The following EIF4G3 variants were observed in gnomAD, a reference collection of about 807,000 sequenced individuals.
EIF4G3 encodes the protein eukaryotic translation initiation factor 4 gamma 3.
EIF4G3 carries 34 observed loss-of-function variants against 186.4 expected under a neutral mutation model. The observed-to-expected ratio is 0.18, with a 90% confidence interval of 0.14 to 0.24. The LOEUF (loss-of-function observed/expected upper bound fraction) is 0.24. Among genes scored for constraint, EIF4G3 ranks in the 10% least tolerant of loss-of-function variants. The pLI is 1.00. For synonymous variants in EIF4G3, 673 were observed against 679.5 expected, an observed-to-expected ratio of 0.99 and a Z score of 0.15; for missense variants, 1,536 against 1,948.5, an observed-to-expected ratio of 0.79 and a Z score of 3.99.
At chr1:21,037,177 G>A (rs1173728640) in intron 4 of EIF4G3, among the ~76,000 whole-genome samples, 2 of 150,346 alleles carry the variant, frequency 1.3e-5, no homozygotes, top group Non-Finnish European at 2.9e-5. Context: ...TTTAAGTTAA[G>A]CTTGTACTGG....
At chr1:20,811,276 T>G (rs1383740133) in intron 35 of EIF4G3, among the ~76,000 whole-genome samples, 1 of 143,594 alleles carries the variant, frequency 7.0e-6, no homozygotes, top group African/African-American at 2.5e-5. Context: ...CTTCTTCTTC[T>G]ATTTTAGATT....
At chr1:20,869,183 T>C (rs1054778822) in intron 20 of EIF4G3, among the ~76,000 whole-genome samples, 1 of 152,158 alleles carries the variant, frequency 6.6e-6, no homozygotes, top group Non-Finnish European at 1.5e-5. Flanking sequence ...CCAGCAGTAG[T>C]TTTGCCCCCA....
intron 2 of EIF4G3, among the ~76,000 whole-genome samples, chr1:21,110,447 G>C (rs944362385): frequency 6.6e-6 from 1 of 151,950 alleles, no homozygotes; most frequent in Non-Finnish European, 1.5e-5. Flanking sequence ...GGAGCACATC[G>C]CCACGCCCAG....
At chr1:21,095,516 T>C (rs2096342583) in intron 2 of EIF4G3, among the ~76,000 whole-genome samples, 1 of 152,154 alleles carries the variant, frequency 6.6e-6, no homozygotes, top group South Asian at 2.1e-4. Context: ...TCTCCCTATA[T>C]TGCCCAGGCT....
chr1:20,808,289 C>A (rs2058509900), intron 36 of EIF4G3, among the ~76,000 whole-genome samples: 1 of 151,908 alleles, frequency 6.6e-6, no homozygotes, highest in Non-Finnish European at 1.5e-5. Context: ...TTTCTTTTTA[C>A]TATTTTCTGC....
chr1:20,878,711 G>T (rs1011430094), intron 20 of EIF4G3, among the ~76,000 whole-genome samples: 3 of 152,188 alleles, frequency 2.0e-5, no homozygotes, highest in African/African-American at 7.2e-5. Flanking sequence ...AGAGAAAACA[G>T]ATGATACATG....
chr1:20,965,548 C>T (rs903016392), intron 12 of EIF4G3, among the ~76,000 whole-genome samples: 1 of 97,446 alleles, frequency 1.0e-5, no homozygotes, highest in African/African-American at 3.4e-5. Flanking sequence ...CAACTGGCTT[C>T]CTCTCCTTCA....
At chr1:21,174,375 C>A (rs2098057689) in intron 2 of EIF4G3, among the ~76,000 whole-genome samples, 1 of 152,156 alleles carries the variant, frequency 6.6e-6, no homozygotes, top group African/African-American at 2.4e-5. Context: ...TCCCAAAAAG[C>A]CACCCAATTC....
chr1:21,060,636 C>T (rs1387584644), intron 3 of EIF4G3, among the ~76,000 whole-genome samples: 1 of 152,086 alleles, frequency 6.6e-6, no homozygotes, highest in Non-Finnish European at 1.5e-5. Flanking sequence ...TCATGCCAGG[C>T]CACAGTGGCT....
At chr1:20,854,339 G>T (rs942023931) in intron 26 of EIF4G3, among the ~76,000 whole-genome samples, 1 of 151,662 alleles carries the variant, frequency 6.6e-6, no homozygotes, top group African/African-American at 2.4e-5. Flanking sequence ...TTTAATTTAG[G>T]GTCCCAGTAA....
At chr1:20,932,048 CAATT>C (rs1245870997) in intron 14 of EIF4G3, among the ~76,000 whole-genome samples, 1 of 152,176 alleles carries the variant, frequency 6.6e-6, no homozygotes, top group Non-Finnish European at 1.5e-5. Flanking sequence ...CCACTATCAT[CAATT>C]ATCTTAGCTA....
intron 16 of EIF4G3, among the ~76,000 whole-genome samples, chr1:20,898,889 C>T (rs554867758): frequency 5.3e-5 from 8 of 152,304 alleles, no homozygotes; most frequent in African/African-American, 1.9e-4. Context: ...TGCCACCACG[C>T]CCAGCTTATT....
intron 2 of EIF4G3, among the ~76,000 whole-genome samples, chr1:21,153,795 C>T (rs1286729970): frequency 6.6e-6 from 1 of 152,080 alleles, no homozygotes; most frequent in Non-Finnish European, 1.5e-5. Flanking sequence ...GAACTCCTGA[C>T]TTCAGGTGAT....
rs1431637017 is a variant in EIF4G3 at position 20,981,080 on chromosome 1, C to G, written c.346G>C (p.Val116Leu). The change falls in exon 9 of 37, where the codon GTG becomes CTG. Residue 116 changes from valine (V) to leucine (L), a missense_variant. By Grantham distance (32) the Val-to-Leu change is conservative. Transcript: ENST00000602326. ...MVNHLPMPYP[V>L]PQGPQYCIPQ... is the part of the protein sequence containing the mutation. The stretch of plus-strand genomic sequence containing the variant: ...ATACAGTACTGAGGCCCCTGGGGCA[C>G]TGGGTACGGCATGGGCAGATGGTTA... 6.2e-7 allele frequency: 1 copy of G among 1,612,210 alleles called. No individual in the cohort carries two copies. The highest frequency in any genetic ancestry group is 8.5e-7 in the Non-Finnish European group (1 of 1,179,004).
intron 2 of EIF4G3, among the ~76,000 whole-genome samples, chr1:21,091,449 C>A (rs1394287761): frequency 6.6e-6 from 1 of 152,186 alleles, no homozygotes; most frequent in Non-Finnish European, 1.5e-5. Flanking sequence ...GCATAAGCCA[C>A]CGCACCTGAC....
At chr1:20,823,388 T>A (rs2154546516) in intron 33 of EIF4G3, among the ~76,000 whole-genome samples, 1 of 152,280 alleles carries the variant, frequency 6.6e-6, no homozygotes, top group South Asian at 2.1e-4. Context: ...TTATTTATTT[T>A]ATTTTTTATT....
intron 2 of EIF4G3, among the ~76,000 whole-genome samples, chr1:21,153,651 G>A (rs2097584596): frequency 6.6e-6 from 1 of 152,010 alleles, no homozygotes; most frequent in Non-Finnish European, 1.5e-5. Flanking sequence ...GGGAACCTCC[G>A]CCTCCCAGGT....
chr1:20,926,274 A>G (rs2094881783), intron 14 of EIF4G3, among the ~76,000 whole-genome samples: 2 of 152,192 alleles, frequency 1.3e-5, no homozygotes, highest in South Asian at 2.1e-4. Context: ...CATCTCCTCC[A>G]TGCCTCATTC....
chr1:20,903,726 G>A (rs1175246701), intron 15 of EIF4G3, among the ~76,000 whole-genome samples: 1 of 152,076 alleles, frequency 6.6e-6, no homozygotes, highest in African/African-American at 2.4e-5. Context: ...GCACAGGGGA[G>A]GTAACCAAGG....
Sources: allele counts gnomAD v4.1 joint callset (sites outside exome capture counted in the v4.1 genomes callset), GRCh38; gene constraint gnomAD v4.1.1; transcripts MANE v1.5; gene names NCBI Gene and HGNC (gene_info 2026-07-23, HGNC 2026-07-21).